Variants in SNRPN observed in about 807,000 individuals in gnomAD.
The protein encoded by SNRPN is small nuclear ribonucleoprotein-associated protein N.
Under a neutral mutation model 25.2 loss-of-function variants are expected in SNRPN, and 7 were observed. The ratio of observed to expected loss-of-function variants is 0.28; its 90% CI spans 0.16 to 0.52. The LOEUF is 0.52. Among genes scored for constraint, SNRPN ranks in the 20% least tolerant of loss-of-function variants. The pLI is 0.96. For missense variants in SNRPN, 196 were observed against 322.5 expected, an observed-to-expected ratio of 0.61 and a Z score of 3.00; for synonymous variants, 124 against 110.6, an observed-to-expected ratio of 1.12 and a Z score of -0.76.
chr15:24,966,468 A>G lies in SNRPN; in HGVS notation c.-294-1464A>G, dbSNP rs983990467. Among the ~76,000 whole-genome samples the G allele has an allele frequency of 8.5e-5, 13 of 152,220 alleles. 1 individual carries two copies. Among genetic ancestry groups the G allele is most frequent in the Middle Eastern group, 6.8e-3 (2 of 294 alleles). The stretch of plus-strand genomic sequence containing the variant: ...GGGATTCATTATGTTGACAAGATTG[A>G]ATCACTGGACATGTCACTGAATTCA... On this transcript the variant is annotated intron_variant, in intron 2 of 9. Coordinates refer to ENST00000390687, the MANE Select transcript of SNRPN (RefSeq NM_003097.6).
At chr15:24,850,120 T>G (rs1343448925) in intron 2 of SNRPN, 1 of 152,184 alleles carries the variant, frequency 6.6e-6, no homozygotes, top group African/African-American at 2.4e-5. Context: ...CTGACACCAT[T>G]CTGCATGTTT....
At chr15:24,875,556 GA>G (rs1171914326) in intron 1 of SNRPN, among the ~76,000 whole-genome samples, 2 of 152,060 alleles carry the variant, frequency 1.3e-5, no homozygotes, top group Non-Finnish European at 2.9e-5. Context: ...CGCAACAGAA[GA>G]ATATTCAATT....
intron 2 of SNRPN, chr15:24,909,878 C>T (rs554662530): frequency 1.9e-5 from 14 of 733,988 alleles, no homozygotes; most frequent in African/African-American, 5.2e-5. Flanking sequence ...GCAGGCACAG[C>T]GGCGCTGGGG....
At position 24,880,440 on chromosome 15, in the gene SNRPN, A is replaced by G. The variant is rs57194089; in HGVS notation, c.-578-6076A>G. Among the ~76,000 whole-genome samples, 519 of 152,266 alleles carry G rather than the reference A, an allele frequency of 3.4e-3. 3 individuals are homozygous for G. Among genetic ancestry groups the G allele is most frequent in the African/African-American group, 0.012 (497 of 41,566 alleles). On this transcript the variant is annotated intron_variant, in intron 1 of 11. Coordinates refer to the SNRPN transcript ENST00000400097. Reference sequence around the variant, plus strand: ...CTGTCTTAAATTCAGGCCTGGGGATAAGTGAGTGGTAAAAATTAAAATTCA... The same window carrying G: ...CTGTCTTAAATTCAGGCCTGGGGATGAGTGAGTGGTAAAAATTAAAATTCA...
At chr15:24,831,449 CAT>C (rs34941608) in intron 2 of SNRPN, among the ~76,000 whole-genome samples, 3,665 of 152,074 alleles carry the variant, frequency 0.024, 66 homozygotes, top group South Asian at 0.047. Flanking sequence ...TTGCTAAGAA[CAT>C]ATGTGTTACC....
At chr15:24,852,374 G>A (rs939546499), upstream of SNRPN, 5 of 152,056 alleles carry the variant, frequency 3.3e-5, no homozygotes, top group African/African-American at 7.2e-5. Context: ...AAACTTAGGC[G>A]ATCATTGGGC....
chr15:24,911,270 G>T, intron 2 of SNRPN: 1 of 423,582 alleles, frequency 2.4e-6, no homozygotes. Flanking sequence ...CCAACTGTGT[G>T]GCCAACTGAC....
chr15:24,888,424 T>A (rs2150252977), intron 2 of SNRPN, among the ~76,000 whole-genome samples: 1 of 152,294 alleles, frequency 6.6e-6, no homozygotes, highest in East Asian at 1.9e-4. Context: ...CTGTCAACTA[T>A]ATTTTCTTAA....
At chr15:24,878,029 A>C (rs892887113) in intron 1 of SNRPN, among the ~76,000 whole-genome samples, 2 of 152,308 alleles carry the variant, frequency 1.3e-5, no homozygotes, top group Admixed American at 6.5e-5. Flanking sequence ...CAAACACATA[A>C]AATTTGATTG....
rs534304093 is a variant in SNRPN, at chr15:24,907,393, C to T, written c.-504-12618C>T. 1.6e-4 allele frequency among the ~76,000 whole-genome samples: 25 copies of T among 151,850 alleles called. No homozygotes were observed. The South Asian group carries it at 1.7e-3, about 10-fold the overall frequency. ...CAGGCGGATCACAAGGTCAGGAGAT[C>T]GAGACCATCCTGACTAACATGGTGA... is the stretch of plus-strand genomic sequence containing the variant. On this transcript the variant is annotated intron_variant, in intron 2 of 11. Coordinates refer to the SNRPN transcript ENST00000400097.
intron 1 of SNRPN, among the ~76,000 whole-genome samples, chr15:24,829,637 C>T (rs11856081): frequency 0.81 from 122,566 of 151,554 alleles, 49,908 homozygotes; most frequent in East Asian, 0.97. Flanking sequence ...AATGTTATCC[C>T]CAATCCATGA....
intron 2 of SNRPN, among the ~76,000 whole-genome samples, chr15:24,911,319 G>A (rs938093411): frequency 3.2e-4 from 49 of 152,266 alleles, no homozygotes; most frequent in African/African-American, 1.1e-3. Flanking sequence ...AATGCCAGAT[G>A]CTATTCATTA....
chr15:24,830,206 C>G (rs1044519898), intron 2 of SNRPN, among the ~76,000 whole-genome samples: 4 of 152,016 alleles, frequency 2.6e-5, no homozygotes, highest in African/African-American at 7.3e-5. Flanking sequence ...ATGGTTAATG[C>G]ATTTCCTGAC....
chr15:24,918,587 A>AAC (rs1159009838), intron 2 of SNRPN, among the ~76,000 whole-genome samples: 114 of 100,000 alleles, frequency 1.1e-3, no homozygotes, highest in Non-Finnish European at 1.6e-3. Flanking sequence ...TATATAACAT[A>AAC]ATATATATGT....
intron 1 of SNRPN, among the ~76,000 whole-genome samples, chr15:24,958,520 T>TTTTTA (rs1440476628): frequency 9.9e-5 from 12 of 120,714 alleles, no homozygotes; most frequent in African/African-American, 4.1e-4. Flanking sequence ...TTTTTTTTTT[T>TTTTTA]AAATAGACCA....
At chr15:24,975,924 C>G (rs1210910569) in intron 5 of SNRPN, among the ~76,000 whole-genome samples, 1 of 152,044 alleles carries the variant, frequency 6.6e-6, no homozygotes, top group East Asian at 1.9e-4. Context: ...TATCACTGTT[C>G]CCATTATTTC....
rs370068134 is a variant in SNRPN, at chr15:24,929,295, C to G, written c.-391+9171C>G. On this transcript the variant is annotated intron_variant, in intron 3 of 11. Coordinates refer to the SNRPN transcript ENST00000400097. The surrounding 1 kb of genome is among the most constrained non-coding windows in gnomAD (Gnocchi z 5.3). ...CTTCCTTCCACATTAAGAACCCTCT[C>G]TCCCAGTGAGTGTCACCCCATTTCT... 6.6e-6 allele frequency among the ~76,000 whole-genome samples: 1 copy of G among 152,164 alleles called. No individual in the cohort carries two copies. Among genetic ancestry groups the G allele is most frequent in the Non-Finnish European group, 1.5e-5 (1 of 68,026 alleles).
chr15:24,850,275 A>G (rs1339626888), intron 2 of SNRPN: 1 of 152,194 alleles, frequency 6.6e-6, no homozygotes, highest in Non-Finnish European at 1.5e-5. Flanking sequence ...TTCAAATATG[A>G]TAACTAATAA....
chr15:24,918,709 T>C (rs1402966495), intron 2 of SNRPN, among the ~76,000 whole-genome samples: 1 of 112,678 alleles, frequency 8.9e-6, no homozygotes, highest in South Asian at 3.0e-4. Flanking sequence ...TATGTGTGCA[T>C]ATATATAACA....
Sources: gnomAD v4.1 joint callset for allele counts (sites outside exome capture counted in the v4.1 genomes callset) on GRCh38, gnomAD v4.1.1 for gene constraint, Gnocchi (gnomAD v3.1) non-coding constraint, MANE v1.5 for transcripts, NCBI Gene and HGNC (gene_info 2026-07-23, HGNC 2026-07-21) for gene names.